Variants in TBC1D5 observed in about 807,000 individuals in gnomAD.
TBC1D5 encodes the protein TBC1 domain family, member 5.
A neutral mutation model predicts 100.3 loss-of-function variants in TBC1D5; 75 were observed. The observed-to-expected ratio is 0.75, with a 90% CI of 0.62 to 0.91. The LOEUF (loss-of-function observed/expected upper bound fraction) is 0.91, where lower values mean the gene tolerates loss of function less well. Among genes scored for constraint, TBC1D5 ranks in the 40% least tolerant of loss-of-function variants. TBC1D5 has a pLI of 0.00. For synonymous variants in TBC1D5, 323 were observed against 325.6 expected, an observed-to-expected ratio of 0.99 and a Z score of 0.09; for missense variants, 910 against 942.4, an observed-to-expected ratio of 0.97 and a Z score of 0.45.
At chr3:17,684,904 C>G (rs2070036955) in intron 1 of TBC1D5, among the ~76,000 whole-genome samples, 1 of 151,994 alleles carries the variant, frequency 6.6e-6, no homozygotes, top group African/African-American at 2.4e-5. Context: ...CTTCATTTCT[C>G]TGAACTGTCC....
chr3:17,184,178 C>T (rs1251961546), intron 19 of TBC1D5, among the ~76,000 whole-genome samples: 2 of 152,134 alleles, frequency 1.3e-5, no homozygotes, highest in Admixed American at 1.3e-4. Context: ...GATATAGCAC[C>T]TTTACAAATG....
chr3:17,636,588 G>A lies in TBC1D5; in HGVS notation c.-100-12675C>T, dbSNP rs374736170. Among the ~76,000 whole-genome samples the A allele has an allele frequency of 1.1e-4, 16 of 152,036 alleles. No homozygotes were observed. The East Asian group carries it at 1.2e-3, about 11-fold the overall frequency. ...AGGCGGATCACAAGATCAGGAGACCGAGACCATCCTGGCTAACACGGTGAA... is the reference window on the plus strand; with the variant it reads ...AGGCGGATCACAAGATCAGGAGACCAAGACCATCCTGGCTAACACGGTGAA... On this transcript the variant is annotated intron_variant, in intron 1 of 21. Transcript: ENST00000253692.
chr3:17,222,068 T>A (rs1255322749), intron 17 of TBC1D5, among the ~76,000 whole-genome samples: 1 of 152,200 alleles, frequency 6.6e-6, no homozygotes, highest in Non-Finnish European at 1.5e-5. Context: ...TTTAAAGAAC[T>A]ACCTTTTGGT....
At chr3:17,622,438 A>G (rs1265309231) in intron 2 of TBC1D5, among the ~76,000 whole-genome samples, 3 of 152,226 alleles carry the variant, frequency 2.0e-5, no homozygotes, top group Non-Finnish European at 4.4e-5. Context: ...TATGCGTAGC[A>G]ATATTGGAAA....
intron 18 of TBC1D5, among the ~76,000 whole-genome samples, chr3:17,213,966 T>C (rs1336605639): frequency 2.0e-5 from 3 of 148,880 alleles, no homozygotes; most frequent in Non-Finnish European, 4.4e-5. Flanking sequence ...GGACTGGGAT[T>C]TGGGAAAGAT....
intron 1 of TBC1D5, among the ~76,000 whole-genome samples, chr3:17,695,645 A>G (rs992463241): frequency 2.0e-5 from 3 of 152,160 alleles, no homozygotes; most frequent in African/African-American, 4.8e-5. Flanking sequence ...ACACAATAAT[A>G]ATGGGAGACT....
chr3:17,549,262 T>C (rs915963624), intron 2 of TBC1D5, among the ~76,000 whole-genome samples: 6 of 152,060 alleles, frequency 3.9e-5, no homozygotes, highest in Admixed American at 3.3e-4. Flanking sequence ...GATTGCGCCA[T>C]TGCACTGCAG....
intron 1 of TBC1D5, among the ~76,000 whole-genome samples, chr3:17,678,950 C>T (rs2069069518): frequency 6.6e-6 from 1 of 150,930 alleles, no homozygotes; most frequent in Non-Finnish European, 1.5e-5. Context: ...GAAATGAAGC[C>T]TTTAATATCT....
At chr3:17,477,158 T>C (rs1199084578) in intron 3 of TBC1D5, among the ~76,000 whole-genome samples, 3 of 152,112 alleles carry the variant, frequency 2.0e-5, no homozygotes, top group African/African-American at 7.2e-5. Flanking sequence ...ACTACTGAAA[T>C]GACTTTTCCA....
At chr3:17,568,107 T>C (rs2096604617) in intron 2 of TBC1D5, among the ~76,000 whole-genome samples, 1 of 151,666 alleles carries the variant, frequency 6.6e-6, no homozygotes. Flanking sequence ...AACACCCTCC[T>C]ACCTTTTTCA....
chr3:17,523,375 T>A (rs1216478828), intron 2 of TBC1D5, among the ~76,000 whole-genome samples: 1 of 152,086 alleles, frequency 6.6e-6, no homozygotes, highest in African/African-American at 2.4e-5. Context: ...GCAGACCACA[T>A]AATGAAAACT....
At chr3:17,616,765 T>G (rs1399560286) in intron 2 of TBC1D5, among the ~76,000 whole-genome samples, 1 of 152,192 alleles carries the variant, frequency 6.6e-6, no homozygotes, top group Non-Finnish European at 1.5e-5. Flanking sequence ...ATCCCTTTAT[T>G]TTTAGCCTAT....
At chr3:17,599,021 A>G (rs1278398069) in intron 2 of TBC1D5, among the ~76,000 whole-genome samples, 1 of 152,220 alleles carries the variant, frequency 6.6e-6, no homozygotes, top group Non-Finnish European at 1.5e-5. Context: ...CTGAGAAACA[A>G]AAGAACAGAG....
At chr3:17,649,912 G>A (rs1177171779) in intron 1 of TBC1D5, among the ~76,000 whole-genome samples, 1 of 152,162 alleles carries the variant, frequency 6.6e-6, no homozygotes, top group Non-Finnish European at 1.5e-5. Flanking sequence ...ATCAATGATA[G>A]ACTGAATAAA....
chr3:17,447,355 G>C (rs1378991982), intron 3 of TBC1D5, among the ~76,000 whole-genome samples: 1 of 152,122 alleles, frequency 6.6e-6, no homozygotes, highest in Non-Finnish European at 1.5e-5. Context: ...AAACAAGAAA[G>C]ATCCAGTAGA....
chr3:17,381,451 A>G (rs1410026177), intron 9 of TBC1D5, among the ~76,000 whole-genome samples: 1 of 152,120 alleles, frequency 6.6e-6, no homozygotes, highest in Non-Finnish European at 1.5e-5. Context: ...TAACAAAGAG[A>G]TAAGGTTCAC....
At chr3:17,308,418 G>T (rs2083624495) in intron 13 of TBC1D5, among the ~76,000 whole-genome samples, 3 of 151,804 alleles carry the variant, frequency 2.0e-5, no homozygotes, top group Admixed American at 2.0e-4. Context: ...TTCCCAAAAG[G>T]TGAAGAAAAA....
At chr3:17,735,322 A>T (rs1298071977) in intron 1 of TBC1D5, among the ~76,000 whole-genome samples, 1 of 152,238 alleles carries the variant, frequency 6.6e-6, no homozygotes, top group Non-Finnish European at 1.5e-5. Context: ...GGCCACTAAA[A>T]GTTACGTAGA....
intron 12 of TBC1D5, 29 bp downstream of exon 12, chr3:17,374,442 A>G (rs1244954458): frequency 1.3e-6 from 2 of 1,594,390 alleles, no homozygotes; most frequent in African/African-American, 2.7e-5. Context: ...CATAGCATAT[A>G]CTGAAAAGAT....
Sources: allele counts gnomAD v4.1 joint callset (sites outside exome capture counted in the v4.1 genomes callset), GRCh38; gene constraint gnomAD v4.1.1; transcripts MANE v1.5; gene names NCBI Gene and HGNC (gene_info 2026-07-23, HGNC 2026-07-21).